ANO6: variants seen among roughly 807,000 people sequenced by gnomAD.
ANO6 encodes anoctamin 6, also known as anoctamin-6.
ANO6 carries 106 observed loss-of-function variants against 117.5 expected under a neutral mutation model. That is an observed-to-expected ratio of 0.90 (90% CI 0.77 to 1.06). The LOEUF is 1.06. ANO6 is among the 50% of genes least tolerant of loss of function. The pLI is 0.00. For synonymous variants in ANO6, 367 were observed against 385.1 expected (o/e 0.95, Z 0.55); for missense variants, 955 against 1,121.1 (o/e 0.85, Z 2.12).
chr12:45,224,898 C>T (rs979893336), intron 1 of ANO6, among the ~76,000 whole-genome samples: 5 of 151,956 alleles, frequency 3.3e-5, no homozygotes, highest in South Asian at 2.1e-4. Flanking sequence ...TTAAGAATAC[C>T]GGAAATAAAG....
chr12:45,433,577 T>C (rs527671783), downstream of ANO6, among the ~76,000 whole-genome samples: 131 of 152,330 alleles, frequency 8.6e-4, 2 homozygotes, highest in African/African-American at 3.1e-3. Flanking sequence ...ATGGGGAACC[T>C]GTGGAGAACT....
chr12:45,406,575 T>C (rs939572183), intron 15 of ANO6, among the ~76,000 whole-genome samples: 2 of 152,066 alleles, frequency 1.3e-5, no homozygotes, highest in African/African-American at 4.8e-5. Context: ...CTTATATAAA[T>C]AAGTATACTT....
intron 7 of ANO6, among the ~76,000 whole-genome samples, chr12:45,356,706 G>T: frequency 6.6e-6 from 1 of 152,122 alleles, no homozygotes; most frequent in African/African-American, 2.4e-5. Context: ...CTGTCTCAGG[G>T]GTGATGGGGG....
chr12:45,417,796 G>C (rs1467806671), intron 17 of ANO6, among the ~76,000 whole-genome samples: 1 of 152,098 alleles, frequency 6.6e-6, no homozygotes, highest in Non-Finnish European at 1.5e-5. Context: ...TGAGTCCCCA[G>C]CCAAAACAAC....
chr12:45,319,675 T>G (rs915068943), intron 2 of ANO6, among the ~76,000 whole-genome samples: 1 of 152,210 alleles, frequency 6.6e-6, no homozygotes, highest in Non-Finnish European at 1.5e-5. Context: ...TTGATTGGAA[T>G]AGTTTCAGAA....
intron 8 of ANO6, among the ~76,000 whole-genome samples, chr12:45,361,255 G>GT (rs1436129848): frequency 6.6e-6 from 1 of 151,882 alleles, no homozygotes; most frequent in African/African-American, 2.4e-5. Context: ...TCTCATACTT[G>GT]TTTTTTCTCT....
chr12:45,319,457 G>A (rs1940177177), intron 2 of ANO6, among the ~76,000 whole-genome samples: 2 of 152,156 alleles, frequency 1.3e-5, no homozygotes. Flanking sequence ...TGCATCCCAG[G>A]GATGAAGCCT....
At chr12:45,298,816 G>A (rs1220497711) in intron 1 of ANO6, among the ~76,000 whole-genome samples, 1 of 151,870 alleles carries the variant, frequency 6.6e-6, no homozygotes, top group African/African-American at 2.4e-5. Context: ...CCTGTCTTTA[G>A]GCAAAATGCA....
chr12:45,281,147 T>A (rs903940015), intron 1 of ANO6, among the ~76,000 whole-genome samples: 2 of 152,172 alleles, frequency 1.3e-5, no homozygotes, highest in Non-Finnish European at 2.9e-5. Flanking sequence ...CAAAAATATA[T>A]CTTCCTCAAC....
At chr12:45,398,631 A>G (rs1041722671) in intron 12 of ANO6, among the ~76,000 whole-genome samples, 2 of 152,230 alleles carry the variant, frequency 1.3e-5, no homozygotes, top group African/African-American at 4.8e-5. Context: ...ATACATAAAC[A>G]TATATATCAA....
At position 45,329,444 on chromosome 12, in the gene ANO6, A is replaced by G. The variant is rs553983596; in HGVS notation, c.151-1851A>G. On this transcript the variant is annotated intron_variant, in intron 2 of 19. Coordinates refer to ENST00000320560, the MANE Select transcript of ANO6 (RefSeq NM_001025356.3). ...GTCAGTGAGGTTTTCCTCCAAATAA[A>G]GGGCCATGGTCTTGCATCACACATG... Among the ~76,000 whole-genome samples the G allele has an allele frequency of 7.2e-5, 11 of 152,268 alleles. No individual in the cohort carries two copies. The South Asian group carries it at 2.1e-3, about 29-fold the overall frequency.
chr12:45,263,672 G>A (rs1480043675), intron 1 of ANO6, among the ~76,000 whole-genome samples: 1 of 152,114 alleles, frequency 6.6e-6, no homozygotes, highest in African/African-American at 2.4e-5. Context: ...ATGAAGAATG[G>A]GGGCTGAGAA....
rs923277230 is a variant in ANO6, at chr12:45,429,990, T to G, written c.*679T>G. ...TTGTCCTAATCCACAGTGACACTTT[T>G]TATCTTCCAGGAGCACTCCTAGGAG... On this transcript the variant is annotated 3_prime_UTR_variant, in exon 20 of 20. Transcript: ENST00000320560. 1 of 986,180 alleles carries G rather than the reference T, an allele frequency of 1.0e-6. No individual in the cohort carries two copies. Among genetic ancestry groups the G allele is most frequent in the Non-Finnish European group, 1.2e-6 (1 of 830,618 alleles). The allele number at this position is 986,180 out of a possible 1,614,324, so 61.1% of individuals were successfully genotyped here.
intron 10 of ANO6, among the ~76,000 whole-genome samples, chr12:45,381,650 G>C (rs1248107720): frequency 6.6e-6 from 1 of 152,116 alleles, no homozygotes; most frequent in Non-Finnish European, 1.5e-5. Context: ...CAATTCCCAG[G>C]GGTTTTCCTT....
At chr12:45,380,675 A>G (rs994220205) in intron 10 of ANO6, among the ~76,000 whole-genome samples, 1 of 152,220 alleles carries the variant, frequency 6.6e-6, no homozygotes, top group Non-Finnish European at 1.5e-5. Context: ...CCCTTGAATT[A>G]GGAGGTTGGA....
intron 9 of ANO6, among the ~76,000 whole-genome samples, chr12:45,371,143 C>G (rs1941819881): frequency 6.6e-6 from 1 of 152,218 alleles, no homozygotes; most frequent in Non-Finnish European, 1.5e-5. Context: ...GAATACTGCG[C>G]TTTTCTGACG....
chr12:45,317,390 C>G (rs535867310), intron 2 of ANO6, among the ~76,000 whole-genome samples: 2 of 148,486 alleles, frequency 1.3e-5, no homozygotes, highest in Non-Finnish European at 3.0e-5. Flanking sequence ...TTTGTCCTTG[C>G]GATAGTTTGC....
chr12:45,257,516 C>T (rs1372573823), intron 1 of ANO6, among the ~76,000 whole-genome samples: 2 of 152,200 alleles, frequency 1.3e-5, no homozygotes, highest in African/African-American at 2.4e-5. Flanking sequence ...CTGTGAATGG[C>T]ATCCCCATTT....
downstream of ANO6, among the ~76,000 whole-genome samples, chr12:45,435,674 G>A (rs184146690): frequency 2.0e-5 from 3 of 151,638 alleles, no homozygotes; most frequent in East Asian, 5.8e-4. Flanking sequence ...GTTTTAATTA[G>A]GCTGGACAAG....
Sources: allele counts gnomAD v4.1 joint callset (sites outside exome capture counted in the v4.1 genomes callset), GRCh38; gene constraint gnomAD v4.1.1; transcripts MANE v1.5; gene names NCBI Gene and HGNC (gene_info 2026-07-23, HGNC 2026-07-21).